Variants in AKAP19 observed in about 807,000 individuals in gnomAD.
AKAP19 encodes small A-kinase anchoring protein.
chr2:189,934,430 A>G, the AKAP19 span, among the ~76,000 whole-genome samples: 1 of 151,988 alleles, frequency 6.6e-6, no homozygotes, highest in South Asian at 2.1e-4. Context: ...TGCATTGTTA[A>G]TGATTTCTAT....
chr2:190,118,468 A>G, the AKAP19 span, among the ~76,000 whole-genome samples: 10 of 152,358 alleles, frequency 6.6e-5, no homozygotes, highest in East Asian at 1.9e-4. Context: ...AAAATCCTCA[A>G]TAAAATACTG....
chr2:190,126,690 G>C, the AKAP19 span, among the ~76,000 whole-genome samples: 2 of 151,638 alleles, frequency 1.3e-5, no homozygotes, highest in African/African-American at 4.9e-5. Flanking sequence ...AGGACTTTAG[G>C]TAAGAAAACA....
At chr2:190,011,027 C>T in the AKAP19 span, among the ~76,000 whole-genome samples, 4 of 148,606 alleles carry the variant, frequency 2.7e-5, no homozygotes, top group Non-Finnish European at 4.5e-5. Context: ...ATATTTTCTC[C>T]CATTCTCTCA....
chr2:190,128,913 T>C, the AKAP19 span, among the ~76,000 whole-genome samples: 1 of 152,250 alleles, frequency 6.6e-6, no homozygotes. Flanking sequence ...CTATGAATGA[T>C]GTCTCCTTGC....
chr2:190,025,684 T>A, the AKAP19 span, among the ~76,000 whole-genome samples: 1 of 152,304 alleles, frequency 6.6e-6, no homozygotes, highest in East Asian at 1.9e-4. Flanking sequence ...CAGACTTTGC[T>A]AATGGGCAGT....
the AKAP19 span, among the ~76,000 whole-genome samples, chr2:190,070,622 C>CA: frequency 7.3e-6 from 1 of 136,598 alleles, no homozygotes; most frequent in African/African-American, 2.8e-5. Flanking sequence ...TCTCCCCCCC[C>CA]CCTTTTTTTT....
chr2:190,167,838 T>C, the AKAP19 span, among the ~76,000 whole-genome samples: 1 of 152,222 alleles, frequency 6.6e-6, no homozygotes, highest in Non-Finnish European at 1.5e-5. Flanking sequence ...ACATCCTCCC[T>C]CCTGGCTGCT....
chr2:190,008,153 T>A, the AKAP19 span, among the ~76,000 whole-genome samples: 91,964 of 152,104 alleles, frequency 0.6, 31,450 homozygotes, highest in South Asian at 0.78. Flanking sequence ...CTGTTGGTGC[T>A]ACCAGATTTT....
chr2:189,983,350 A>G, the AKAP19 span, among the ~76,000 whole-genome samples: 1 of 152,092 alleles, frequency 6.6e-6, no homozygotes, highest in East Asian at 1.9e-4. Context: ...TCTTGCCTCT[A>G]TTACCAGGAT....
chr2:190,187,341 C>G, the AKAP19 span, among the ~76,000 whole-genome samples: 3 of 151,420 alleles, frequency 2.0e-5, no homozygotes, highest in Admixed American at 2.0e-4. Context: ...CCCTGTTAAT[C>G]CAGTGTTTAA....
the AKAP19 span, among the ~76,000 whole-genome samples, chr2:189,992,341 C>A: frequency 6.6e-6 from 1 of 152,128 alleles, no homozygotes; most frequent in Admixed American, 6.5e-5. Flanking sequence ...CAGGCGTAAG[C>A]CACCACTCCT....
At chr2:190,006,800 C>T in the AKAP19 span, among the ~76,000 whole-genome samples, 752 of 151,424 alleles carry the variant, frequency 5.0e-3, 7 homozygotes, top group African/African-American at 0.017. Flanking sequence ...AGGCAGATCA[C>T]GAGGTCAGGA....
chr2:190,157,905 G>GA, the AKAP19 span, among the ~76,000 whole-genome samples: 113 of 152,252 alleles, frequency 7.4e-4, 1 homozygote, highest in African/African-American at 2.6e-3. Flanking sequence ...CCTGTTTTAA[G>GA]AAAAAAACAA....
At chr2:190,102,785 T>C in the AKAP19 span, among the ~76,000 whole-genome samples, 2 of 152,128 alleles carry the variant, frequency 1.3e-5, no homozygotes, top group African/African-American at 4.8e-5. Context: ...CTGGTACTAA[T>C]TCTACTGAAA....
the AKAP19 span, among the ~76,000 whole-genome samples, chr2:189,934,427 T>C: frequency 1.3e-5 from 2 of 152,044 alleles, no homozygotes; most frequent in Admixed American, 6.6e-5. Context: ...TCATGCATTG[T>C]TAATGATTTC....
At chr2:189,971,704 C>T in the AKAP19 span, among the ~76,000 whole-genome samples, 733 of 152,116 alleles carry the variant, frequency 4.8e-3, 7 homozygotes, top group African/African-American at 0.016. Flanking sequence ...TATCTCATTG[C>T]GGTTTTGATT....
At chr2:190,196,135 C>T in the AKAP19 span, among the ~76,000 whole-genome samples, 2 of 151,838 alleles carry the variant, frequency 1.3e-5, no homozygotes, top group Admixed American at 6.6e-5. Context: ...TTCTAATTGT[C>T]CCTCCCCAAC....
the AKAP19 span, among the ~76,000 whole-genome samples, chr2:190,145,964 G>A: frequency 2.4e-5 from 3 of 123,358 alleles, no homozygotes; most frequent in Non-Finnish European, 5.1e-5. Context: ...TCTTCCTGAT[G>A]GTTATTCCAT....
At chr2:190,062,118 A>G in the AKAP19 span, 19 of 1,209,470 alleles carry the variant, frequency 1.6e-5, no homozygotes, top group Non-Finnish European at 2.1e-5. Context: ...CTACTTACAT[A>G]CAGGCCAACA....
Sources: allele counts gnomAD v4.1 joint callset (sites outside exome capture counted in the v4.1 genomes callset), GRCh38; gene constraint gnomAD v4.1.1; transcripts MANE v1.5; gene names NCBI Gene and HGNC (gene_info 2026-07-23, HGNC 2026-07-21).